Variants in ZNF654 observed in about 807,000 individuals in gnomAD.
ZNF654 encodes the protein melanoma-associated antigen.
A neutral mutation model predicts 95.3 loss-of-function variants in ZNF654; 19 were observed. The ratio of observed to expected loss-of-function variants is 0.20; its 90% CI spans 0.14 to 0.29. The LOEUF (loss-of-function observed/expected upper bound fraction) is 0.29. ZNF654 is among the 10% of genes least tolerant of loss of function. The pLI is 1.00. For synonymous variants in ZNF654, 413 were observed against 457.9 expected (o/e 0.90, Z 1.25); for missense variants, 1,046 against 1,341.0 (o/e 0.78, Z 3.44).
chr3:88,113,994 A>C (rs887655076), intron 3 of ZNF654, among the ~76,000 whole-genome samples: 1 of 152,170 alleles, frequency 6.6e-6, no homozygotes, highest in Non-Finnish European at 1.5e-5. Context: ...CAAGTATTTA[A>C]AACTTACTAA....
At chr3:88,129,664 T>A in intron 5 of ZNF654, 23 bp from the exon 6 acceptor site, 1 of 1,376,984 alleles carries the variant, frequency 7.3e-7, no homozygotes. Flanking sequence ...TTATATGAAC[T>A]GATTTCTCTT....
intron 2 of ZNF654, 41 bp downstream of exon 2, chr3:88,086,443 G>A (rs1288231972): frequency 5.7e-6 from 8 of 1,403,094 alleles, no homozygotes; most frequent in Non-Finnish European, 7.5e-6. Flanking sequence ...TATTTTTCTT[G>A]ATGTGTTTGA....
intron 2 of ZNF654, among the ~76,000 whole-genome samples, chr3:88,090,677 A>G (rs1433936381): frequency 1.3e-5 from 2 of 152,196 alleles, no homozygotes; most frequent in Non-Finnish European, 2.9e-5. Flanking sequence ...TCACTCACTG[A>G]CACACCTATA....
intron 3 of ZNF654, among the ~76,000 whole-genome samples, chr3:88,122,527 T>G (rs1401749427): frequency 6.6e-6 from 1 of 152,142 alleles, no homozygotes. Context: ...AAATGTATTC[T>G]GAAAGAAGTG....
chr3:88,139,156 A>T lies in ZNF654; in HGVS notation c.1487A>T (p.Asp496Val). Reference sequence around the variant, plus strand: ...AGGACGGAGGAACAGCAAGGTTTGGATGAAGGGTTTGACTCTCTTACAGAT... The same window carrying T: ...AGGACGGAGGAACAGCAAGGTTTGGTTGAAGGGTTTGACTCTCTTACAGAT... ...LKRTEEQQGL[D>V]EGFDSLTDQS... Residue 496 changes from aspartate (D) to valine (V), a missense_variant, in exon 8 of 9, where the codon GAT becomes GTT. Around this residue, in one of 9 missense-constraint regions of ZNF654, gnomAD observed 100 missense variants for 108.9 expected, o/e 0.92. Coordinates refer to ENST00000636215, the MANE Select transcript of ZNF654 (RefSeq NM_001350134.2). 1 of 1,329,808 alleles carries T rather than the reference A, an allele frequency of 7.5e-7. No homozygotes were observed. Among genetic ancestry groups the T allele is most frequent in the Non-Finnish European group, 9.6e-7 (1 of 1,038,832 alleles). 82.4% of individuals were successfully genotyped at this position (1,329,808 alleles called of 1,614,324 possible).
Position 88,135,211 on chromosome 3 carries a change from G to A in ZNF654, c.1035+9G>A. ...AAATCATCAAAGATGAGGTAAATAG[G>A]ATATATTTGTCCCTTAAATTTAAAA... On this transcript the variant is annotated intron_variant, in intron 7 of 8. Transcript: ENST00000636215. 6.9e-7 allele frequency: 1 copy of A among 1,453,134 alleles called. No homozygotes were observed. The highest frequency in any genetic ancestry group is 9.0e-7 in the Non-Finnish European group (1 of 1,111,180). The allele number at this position is 1,453,134 out of a possible 1,614,324, so 90.0% of individuals were successfully genotyped here. A position where few individuals can be genotyped will look rare whatever the true frequency, so the allele number is the denominator to read the frequency against.
At chr3:88,098,400 G>T (rs1189796510) in intron 2 of ZNF654, among the ~76,000 whole-genome samples, 1 of 152,284 alleles carries the variant, frequency 6.6e-6, no homozygotes, top group East Asian at 1.9e-4. Context: ...TCTACCAGAG[G>T]TACAAAGAGG....
rs3840483 is a variant in ZNF654, at chr3:88,059,618, CAAG to C, written c.186+114_186+116del. ...ATGTCCAGTGCCCGCTCCTCCCCAA[CAAG>C]GAGGGTGAGGCTGAAGCTCCCTCCT... On this transcript the variant is annotated intron_variant, in intron 1 of 8. Coordinates refer to ENST00000636215, the MANE Select transcript of ZNF654 (RefSeq NM_001350134.2). 7.2e-6 allele frequency: 10 copies of C among 1,382,068 alleles called. No individual in the cohort carries two copies. In the East Asian group the frequency reaches 2.8e-4, roughly 39 times the overall value. The allele number at this position is 1,382,068 out of a possible 1,614,324, so 85.6% of individuals were successfully genotyped here.
At chr3:88,103,859 C>G (rs1184921530) in intron 2 of ZNF654, among the ~76,000 whole-genome samples, 1 of 147,266 alleles carries the variant, frequency 6.8e-6, no homozygotes, top group Non-Finnish European at 1.5e-5. Context: ...CTCTGCCTCT[C>G]GGGGTCAAGC....
chr3:88,073,448 G>A (rs1233842470), intron 1 of ZNF654, among the ~76,000 whole-genome samples: 1 of 152,160 alleles, frequency 6.6e-6, no homozygotes, highest in African/African-American at 2.4e-5. Context: ...ACCACAGGAG[G>A]TAAAGAATGA....
chr3:88,112,971 A>G (rs1705185533), intron 2 of ZNF654, 144 bp from the exon 3 acceptor site: 1 of 539,704 alleles, frequency 1.9e-6, no homozygotes, highest in Non-Finnish European at 3.2e-6. Context: ...AAAACATAAT[A>G]TGAATTCTAG....
rs373764591 is a variant in ZNF654, at chr3:88,128,696, T to C, written c.551-113T>C. 4.0e-5 allele frequency: 28 copies of C among 694,610 alleles called. No homozygotes were observed. In the East Asian group the frequency reaches 6.4e-4, roughly 16 times the overall value. 43.0% of individuals were successfully genotyped at this position (694,610 alleles called of 1,614,324 possible). On this transcript the variant is annotated intron_variant, in intron 4 of 8. Transcript: ENST00000636215. Reference sequence around the variant, plus strand: ...TAAACTCCTACTAAGGAAAATGCTATTTAAGTAGTTAAATCTAATTAGAAA... The same window carrying C: ...TAAACTCCTACTAAGGAAAATGCTACTTAAGTAGTTAAATCTAATTAGAAA...
rs1016395795 is a variant in ZNF654, at chr3:88,059,281, C to CGGA, written c.-37_-36insAGG. On this transcript the variant is annotated 5_prime_UTR_variant, in exon 1 of 9. Coordinates refer to ENST00000636215, the MANE Select transcript of ZNF654 (RefSeq NM_001350134.2). ...GCCTAGGCATCTACGGCGGCGGCGG[C>CGGA]GGCGCAGGGGCTGGTACGCGCTGGG... The CGGA allele has an allele frequency of 6.5e-7, 1 of 1,532,104 alleles. No homozygotes were observed. The highest frequency in any genetic ancestry group is 1.4e-5 in the African/African-American group (1 of 72,868). 94.9% of individuals were successfully genotyped at this position (1,532,104 alleles called of 1,614,324 possible).
chr3:88,080,921 G>T (rs1437835336), intron 1 of ZNF654, among the ~76,000 whole-genome samples: 1 of 152,146 alleles, frequency 6.6e-6, no homozygotes, highest in African/African-American at 2.4e-5. Flanking sequence ...TCACAAAATT[G>T]TAGACCTTTT....
chr3:88,080,609 C>T (rs1708027755), intron 1 of ZNF654, among the ~76,000 whole-genome samples: 1 of 152,002 alleles, frequency 6.6e-6, no homozygotes, highest in South Asian at 2.1e-4. Flanking sequence ...CTTCCAAAGC[C>T]TATACTCTTT....
intron 4 of ZNF654, 132 bp downstream of exon 4, chr3:88,126,401 T>A: frequency 9.6e-7 from 1 of 1,043,484 alleles, no homozygotes; most frequent in Non-Finnish European, 1.2e-6. Context: ...TATTTTCACA[T>A]GAAAAGTGTT....
intron 2 of ZNF654, among the ~76,000 whole-genome samples, chr3:88,095,114 C>T (rs1246148033): frequency 6.6e-6 from 1 of 152,070 alleles, no homozygotes; most frequent in Non-Finnish European, 1.5e-5. Context: ...CTATAGTTTT[C>T]TTAAGCTTTG....
At chr3:88,095,491 TC>T in intron 2 of ZNF654, 1 of 435,734 alleles carries the variant, frequency 2.3e-6, no homozygotes, top group Non-Finnish European at 4.5e-6. Context: ...TAAAATGCTG[TC>T]ATAATTTGTA....
chr3:88,132,639 G>C (rs1706533778), intron 6 of ZNF654, among the ~76,000 whole-genome samples: 1 of 152,158 alleles, frequency 6.6e-6, no homozygotes, highest in Admixed American at 6.5e-5. Context: ...CATAGTGGTA[G>C]TCTTCTCTTG....
Sources: gnomAD v4.1 joint callset for allele counts (sites outside exome capture counted in the v4.1 genomes callset) on GRCh38, gnomAD v4.1.1 for gene constraint, gnomAD v4.1.1 regional missense constraint, MANE v1.5 for transcripts, NCBI Gene and HGNC (gene_info 2026-07-23, HGNC 2026-07-21) for gene names.